UNC5B: variants seen among roughly 807,000 people sequenced by gnomAD.
UNC5B encodes netrin receptor UNC5B.
A neutral mutation model predicts 103.7 loss-of-function variants in UNC5B; 56 were observed. The observed-to-expected ratio is 0.54, with a 90% confidence interval of 0.44 to 0.67. The LOEUF is 0.67. Ranked by LOEUF, UNC5B falls within the 30% of genes least tolerant of loss-of-function variation. The pLI is 0.00. For missense variants in UNC5B, 1,194 were observed against 1,284.5 expected (o/e 0.93, Z 1.08); for synonymous variants, 577 against 542.0 (o/e 1.06, Z -0.90).
At chr10:71,217,027 G>T (rs1312446652) in intron 1 of UNC5B, among the ~76,000 whole-genome samples, 1 of 152,254 alleles carries the variant, frequency 6.6e-6, no homozygotes, top group Non-Finnish European at 1.5e-5. Flanking sequence ...GGGACTTGGG[G>T]GTGGGAGCCT....
chr10:71,292,482 T>C lies in UNC5B; in HGVS notation c.1700T>C (p.Val567Ala). 6.3e-7 allele frequency: 1 copy of C among 1,599,724 alleles called. No homozygotes were observed. The highest frequency in any genetic ancestry group is 1.7e-4 in the Middle Eastern group (1 of 6,046). The change falls in exon 11 of 17, where the codon GTG becomes GCG. Residue 567 changes from valine (V) to alanine (A), a missense_variant. Physicochemically the swap from Val to Ala is moderately conservative, Grantham distance 64. Transcript: ENST00000335350. ...SIPGTGVSLLVPNGAIPQGKF... is the reference protein window; with the variant it reads ...SIPGTGVSLLAPNGAIPQGKF... ...CTCCCCCTAGGGGTCAGCTTGCTGGTGCCCAATGGAGCCATTCCCCAGGGC... is the reference window on the plus strand; with the variant it reads ...CTCCCCCTAGGGGTCAGCTTGCTGGCGCCCAATGGAGCCATTCCCCAGGGC...
In UNC5B at chr10:71,293,690, T is replaced by G. The variant is rs1221622914; in HGVS notation, c.1942-10T>G. The G allele has an allele frequency of 6.3e-7, 1 of 1,594,176 alleles. No homozygotes were observed. Among genetic ancestry groups the G allele is most frequent in the East Asian group, 2.3e-5 (1 of 43,590 alleles). On this transcript the variant is annotated splice_polypyrimidine_tract_variant and intron_variant, in intron 12 of 16. Transcript: ENST00000335350. ...TGTGACCACTACCCCACCCTTGCTG[T>G]CCCCTACAGGAGGTGGTGACCCTGG...
At chr10:71,216,852 C>G (rs1589144919) in intron 1 of UNC5B, among the ~76,000 whole-genome samples, 1 of 152,202 alleles carries the variant, frequency 6.6e-6, no homozygotes, top group African/African-American at 2.4e-5. Flanking sequence ...CAAGTGCTCT[C>G]GGACCAGGTT....
At chr10:71,248,107 G>A (rs58215901) in intron 1 of UNC5B, among the ~76,000 whole-genome samples, 3,167 of 152,216 alleles carry the variant, frequency 0.021, 100 homozygotes, top group African/African-American at 0.068. Context: ...TCTCAGGGAA[G>A]GAGATACTGG....
At chr10:71,297,093 A>AG (rs1845460723) in intron 15 of UNC5B, among the ~76,000 whole-genome samples, 2 of 152,228 alleles carry the variant, frequency 1.3e-5, no homozygotes, top group Admixed American at 1.3e-4. Context: ...GGTGGAGGTG[A>AG]GGGCCAGAGG....
At chr10:71,298,899 C>A (rs1845515218) in intron 16 of UNC5B, among the ~76,000 whole-genome samples, 1 of 152,110 alleles carries the variant, frequency 6.6e-6, no homozygotes, top group Admixed American at 6.5e-5. Flanking sequence ...GGCATTGTTC[C>A]CATTTTAGAG....
intron 1 of UNC5B, among the ~76,000 whole-genome samples, chr10:71,268,309 A>G (rs1371015636): frequency 6.6e-6 from 1 of 152,246 alleles, no homozygotes; most frequent in East Asian, 1.9e-4. Context: ...GGCAAAGGCC[A>G]GAGTCTGGCC....
chr10:71,237,655 G>A (rs1843803119), intron 1 of UNC5B, among the ~76,000 whole-genome samples: 1 of 152,224 alleles, frequency 6.6e-6, no homozygotes. Flanking sequence ...TAGTGTGAAG[G>A]AGGTGCGGTG....
chr10:71,288,846 G>T, intron 7 of UNC5B, 112 bp from the exon 8 acceptor site: 2 of 1,560,206 alleles, frequency 1.3e-6, no homozygotes, highest in Non-Finnish European at 1.7e-6. Context: ...AGTCCTCAGG[G>T]CCTCTGTCCC....
Position 71,299,489 on chromosome 10 carries a change from C to T in UNC5B, c.*212C>T. ...AGAGGGCCCAGAGTTCCTTCTCCAC[C>T]CCCGCTCTCTCTCTCTTGGCCTGAG... On this transcript the variant is annotated 3_prime_UTR_variant, in exon 17 of 17. Coordinates refer to ENST00000335350, the MANE Select transcript of UNC5B (RefSeq NM_170744.5). The T allele has an allele frequency of 3.5e-6, 2 of 567,332 alleles. No homozygotes were observed. Among genetic ancestry groups the T allele is most frequent in the South Asian group, 4.5e-5 (2 of 44,582 alleles). 35.1% of individuals were successfully genotyped at this position (567,332 alleles called of 1,614,324 possible).
At chr10:71,222,965 C>T (rs752868240) in intron 1 of UNC5B, among the ~76,000 whole-genome samples, 9 of 152,250 alleles carry the variant, frequency 5.9e-5, no homozygotes, top group Non-Finnish European at 1.3e-4. Context: ...TGACCCCCTC[C>T]CCCATCCCTA....
At chr10:71,237,884 G>A (rs971846091) in intron 1 of UNC5B, among the ~76,000 whole-genome samples, 3 of 152,202 alleles carry the variant, frequency 2.0e-5, no homozygotes, top group African/African-American at 7.2e-5. Context: ...AGGTGAGCCT[G>A]GGGGAAGAGG....
rs553136843 is a variant in UNC5B at position 71,258,012 on chromosome 10, C to T, written c.80-21809C>T. Among the ~76,000 whole-genome samples, 353 of 152,336 alleles carry T rather than the reference C, an allele frequency of 2.3e-3. 6 individuals are homozygous for T. The highest frequency in any genetic ancestry group is 8.1e-3 in the African/African-American group (338 of 41,570). ...CTTGAAGTGCCATGCCCAAGAAACA[C>T]GTGCTTTCACTGGGAACTGTTTTTG... is the stretch of plus-strand genomic sequence containing the variant. On this transcript the variant is annotated intron_variant, in intron 1 of 16. Coordinates refer to ENST00000335350, the MANE Select transcript of UNC5B (RefSeq NM_170744.5).
chr10:71,229,884 G>A (rs1843648741), intron 1 of UNC5B, among the ~76,000 whole-genome samples: 1 of 152,102 alleles, frequency 6.6e-6, no homozygotes, highest in African/African-American at 2.4e-5. Context: ...TCCCACCGTC[G>A]CTGGTCAGGG....
At chr10:71,292,401 G>T in intron 10 of UNC5B, 66 bp from the exon 11 acceptor site, 1 of 1,415,188 alleles carries the variant, frequency 7.1e-7, no homozygotes, top group Non-Finnish European at 9.8e-7. Flanking sequence ...CCAAGCTGGG[G>T]CCAACTTCCC....
chr10:71,246,345 G>A (rs1231357394), intron 1 of UNC5B, among the ~76,000 whole-genome samples: 5 of 152,124 alleles, frequency 3.3e-5, no homozygotes. Context: ...CAGAAGGATG[G>A]CTTTGTGGCT....
chr10:71,217,181 A>T (rs1012449656), intron 1 of UNC5B: 5 of 152,606 alleles, frequency 3.3e-5, no homozygotes, highest in Non-Finnish European at 7.4e-5. Flanking sequence ...CCACAAATAG[A>T]GTCATTAAAG....
chr10:71,273,617 G>A (rs1564726098), intron 1 of UNC5B, among the ~76,000 whole-genome samples: 2 of 152,310 alleles, frequency 1.3e-5, no homozygotes, highest in East Asian at 3.9e-4. Flanking sequence ...ATACAAGCTT[G>A]TGTCTCCACA....
At chr10:71,264,200 G>A (rs1454854231) in intron 1 of UNC5B, among the ~76,000 whole-genome samples, 2 of 152,232 alleles carry the variant, frequency 1.3e-5, no homozygotes, top group Non-Finnish European at 2.9e-5. Context: ...AATAGAGATG[G>A]CTATTGATAC....
Sources: gnomAD v4.1 joint callset for allele counts (sites outside exome capture counted in the v4.1 genomes callset) on GRCh38, gnomAD v4.1.1 for gene constraint, MANE v1.5 for transcripts, NCBI Gene and HGNC (gene_info 2026-07-23, HGNC 2026-07-21) for gene names.